Variants in EFNA5 observed in about 807,000 individuals in gnomAD.
EFNA5 encodes ephrin-A5.
Under a neutral mutation model 22.9 loss-of-function variants are expected in EFNA5, and 5 were observed. That is an observed-to-expected ratio of 0.22 (90% CI 0.11 to 0.46). The LOEUF (loss-of-function observed/expected upper bound fraction) is 0.46. EFNA5 is among the 20% of genes least tolerant of loss of function. EFNA5 has a pLI of 0.99. For missense variants in EFNA5, 237 were observed against 293.3 expected (o/e 0.81, Z 1.40); for synonymous variants, 113 against 112.2 (o/e 1.01, Z -0.04).
At chr5:107,638,096 G>A (rs376579956) in intron 1 of EFNA5, among the ~76,000 whole-genome samples, 37 of 151,416 alleles carry the variant, frequency 2.4e-4, no homozygotes, top group African/African-American at 7.5e-4. Context: ...CTCATGATCC[G>A]TCCACCTTGG....
intron 2 of EFNA5, among the ~76,000 whole-genome samples, chr5:107,414,225 G>A (rs578199807): frequency 1.3e-5 from 2 of 152,284 alleles, no homozygotes; most frequent in South Asian, 4.1e-4. Context: ...TCTCCAGACA[G>A]ATCACGAAAT....
chr5:107,421,719 T>C (rs960236557), intron 2 of EFNA5, among the ~76,000 whole-genome samples: 3 of 152,118 alleles, frequency 2.0e-5, no homozygotes, highest in African/African-American at 7.2e-5. Context: ...TTGTTTCTAA[T>C]CTGTTTTTAA....
At chr5:107,620,055 T>C (rs1580564045) in intron 1 of EFNA5, among the ~76,000 whole-genome samples, 1 of 152,180 alleles carries the variant, frequency 6.6e-6, no homozygotes, top group Non-Finnish European at 1.5e-5. Flanking sequence ...GCTTCTCAGA[T>C]AGGAGATACA....
intron 1 of EFNA5, among the ~76,000 whole-genome samples, chr5:107,659,009 T>C (rs1177039489): frequency 6.6e-6 from 1 of 152,196 alleles, no homozygotes; most frequent in Non-Finnish European, 1.5e-5. Flanking sequence ...ACATTTATGG[T>C]ACTATTTTAT....
intron 1 of EFNA5, among the ~76,000 whole-genome samples, chr5:107,626,699 T>C (rs1750148525): frequency 1.3e-5 from 2 of 152,244 alleles, no homozygotes; most frequent in African/African-American, 4.8e-5. Flanking sequence ...GCATTACATA[T>C]ATAATTAACA....
chr5:107,573,177 C>T (rs1425685537), intron 1 of EFNA5, among the ~76,000 whole-genome samples: 1 of 152,100 alleles, frequency 6.6e-6, no homozygotes, highest in Non-Finnish European at 1.5e-5. Context: ...CTCCCTGGGA[C>T]CTCAATCTCA....
intron 1 of EFNA5, among the ~76,000 whole-genome samples, chr5:107,453,745 C>T (rs984538275): frequency 2.0e-5 from 3 of 152,092 alleles, no homozygotes; most frequent in Non-Finnish European, 4.4e-5. Context: ...TTAGCAGCAG[C>T]AGGTGGAGCG....
intron 1 of EFNA5, among the ~76,000 whole-genome samples, chr5:107,438,255 C>T (rs1299696841): frequency 6.6e-6 from 1 of 152,210 alleles, no homozygotes; most frequent in East Asian, 1.9e-4. Context: ...ACAAGACTCA[C>T]AAAAGGTTAA....
chr5:107,661,961 G>C (rs1750972270), intron 1 of EFNA5, among the ~76,000 whole-genome samples: 1 of 151,854 alleles, frequency 6.6e-6, no homozygotes, highest in African/African-American at 2.4e-5. Flanking sequence ...AATTTCCAGG[G>C]AAAGAGGCAA....
intron 1 of EFNA5, among the ~76,000 whole-genome samples, chr5:107,569,921 T>C (rs1748759517): frequency 2.0e-5 from 3 of 151,094 alleles, no homozygotes; most frequent in South Asian, 2.1e-4. Flanking sequence ...TTCCACTTCC[T>C]AAGCAAGTGT....
At chr5:107,542,298 TAA>T (rs1748065507) in intron 1 of EFNA5, among the ~76,000 whole-genome samples, 1 of 152,164 alleles carries the variant, frequency 6.6e-6, no homozygotes, top group South Asian at 2.1e-4. Flanking sequence ...TGTCAAAGAA[TAA>T]AAAGTCAACT....
intron 1 of EFNA5, among the ~76,000 whole-genome samples, chr5:107,586,955 T>A (rs919710952): frequency 6.6e-6 from 1 of 152,210 alleles, no homozygotes; most frequent in African/African-American, 2.4e-5. Context: ...GGGGTAATCT[T>A]ACATGGACAC....
intron 1 of EFNA5, among the ~76,000 whole-genome samples, chr5:107,589,133 C>T (rs934395442): frequency 6.6e-6 from 1 of 152,148 alleles, no homozygotes; most frequent in Admixed American, 6.5e-5. Flanking sequence ...AGAGAGTAAA[C>T]TCAAAAAGAA....
intron 1 of EFNA5, among the ~76,000 whole-genome samples, chr5:107,640,773 T>C (rs1219568007): frequency 1.3e-5 from 2 of 152,122 alleles, no homozygotes; most frequent in Non-Finnish European, 2.9e-5. Flanking sequence ...ACCACAGAGG[T>C]AACCGCTATA....
chr5:107,390,690 A>G (rs1747768657), intron 2 of EFNA5, among the ~76,000 whole-genome samples: 1 of 150,890 alleles, frequency 6.6e-6, no homozygotes, highest in Non-Finnish European at 1.5e-5. Context: ...TTATACATAA[A>G]TTATATACAT....
chr5:107,666,191 T>G (rs1189789297), intron 1 of EFNA5, among the ~76,000 whole-genome samples: 1 of 152,160 alleles, frequency 6.6e-6, no homozygotes, highest in African/African-American at 2.4e-5. Flanking sequence ...TTTCATTTAC[T>G]TGTCAGTGAA....
chr5:107,619,079 G>A (rs376668109), intron 1 of EFNA5, among the ~76,000 whole-genome samples: 14 of 151,570 alleles, frequency 9.2e-5, no homozygotes, highest in African/African-American at 1.5e-4. Flanking sequence ...CTGACACCAC[G>A]CCTGGCTAAT....
chr5:107,614,202 C>T (rs563382108), intron 1 of EFNA5, among the ~76,000 whole-genome samples: 179 of 152,246 alleles, frequency 1.2e-3, no homozygotes, highest in Middle Eastern at 0.01. Flanking sequence ...CAACTTCAGT[C>T]TCTTCCCCAG....
At chr5:107,487,531 C>T (rs1746665973) in intron 1 of EFNA5, among the ~76,000 whole-genome samples, 1 of 152,132 alleles carries the variant, frequency 6.6e-6, no homozygotes, top group Non-Finnish European at 1.5e-5. Context: ...GAGTATTAGG[C>T]AGATGACAGG....
Sources: allele counts gnomAD v4.1 joint callset (sites outside exome capture counted in the v4.1 genomes callset), GRCh38; gene constraint gnomAD v4.1.1; transcripts MANE v1.5; gene names NCBI Gene and HGNC (gene_info 2026-07-23, HGNC 2026-07-21).